TBX1: variants seen among roughly 807,000 people sequenced by gnomAD.
TBX1 encodes the protein T-box transcription factor TBX1.
A neutral mutation model predicts 40.8 loss-of-function variants in TBX1; 16 were observed. That is an observed-to-expected ratio of 0.39 (90% CI 0.27 to 0.60). The LOEUF is 0.60. TBX1 is among the 20% of genes least tolerant of loss of function. TBX1 has a pLI of 0.51. For missense variants in TBX1, 755 were observed against 728.5 expected (o/e 1.04, Z -0.42); for synonymous variants, 403 against 336.8 (o/e 1.20, Z -2.15).
Position 19,766,690 on chromosome 22 carries a change from G to T in TBX1, c.1338G>T (p.Pro446=). The change falls in exon 7 of 7, where the codon CCG becomes CCT. Residue 446 remains proline (P), a synonymous_variant. Transcript: ENST00000649276. ...LGAKSRPAPY[P]LPGLRGHGYH... ...CCAAGAGCCGGCCGGCGCCCTACCC[G>T]CTGCCCGGCCTGCGTGGCCACGGCT... 6.5e-7 allele frequency: 1 copy of T among 1,548,460 alleles called. No individual in the cohort carries two copies. Among genetic ancestry groups the T allele is most frequent in the Non-Finnish European group, 8.7e-7 (1 of 1,156,016 alleles).
At chr22:19,776,045 G>A (rs907964428) in intron 8 of TBX1, among the ~76,000 whole-genome samples, 2 of 152,148 alleles carry the variant, frequency 1.3e-5, no homozygotes, top group Admixed American at 1.3e-4. Context: ...ACCGGCTCCC[G>A]AGTGGAAGGT....
chr22:19,773,747 T>G (rs1454177285), intron 8 of TBX1, among the ~76,000 whole-genome samples: 3 of 152,220 alleles, frequency 2.0e-5, no homozygotes, highest in African/African-American at 7.2e-5. Flanking sequence ...GGCATCCTGA[T>G]GCGGTCACTG....
chr22:19,768,910 C>T (rs566684287), downstream of TBX1, among the ~76,000 whole-genome samples: 6 of 150,990 alleles, frequency 4.0e-5, no homozygotes, highest in East Asian at 5.9e-4. Context: ...AGCACCCAGC[C>T]GTCCAGCAGG....
chr22:19,761,740 GC>G (rs1205517987), intron 1 of TBX1, among the ~76,000 whole-genome samples: 1 of 152,238 alleles, frequency 6.6e-6, no homozygotes, highest in Admixed American at 6.5e-5. Flanking sequence ...AAGATAAAGA[GC>G]GGCAGCCGGG....
In TBX1 at chr22:19,766,657, T is replaced by C; in HGVS notation, c.1305T>C (p.Tyr435=). 6.4e-7 allele frequency: 1 copy of C among 1,552,796 alleles called. No homozygotes were observed. The highest frequency in any genetic ancestry group is 8.6e-7 in the Non-Finnish European group (1 of 1,157,932). The part of the protein sequence containing the change: ...YKYPAAAYDH[Y]LGAKSRPAPY... ...ATCCGGCCGCCGCCTACGACCACTA[T>C]CTCGGGGCCAAGAGCCGGCCGGCGC... The change falls in exon 7 of 7, where the codon TAT becomes TAC. Residue 435 remains tyrosine, a synonymous_variant. Coordinates refer to ENST00000649276, the MANE Select transcript of TBX1 (RefSeq NM_001379200.1).
chr22:19,768,623 G>A (rs942644799), downstream of TBX1, among the ~76,000 whole-genome samples: 6 of 152,218 alleles, frequency 3.9e-5, no homozygotes, highest in African/African-American at 1.4e-4. Context: ...GTGCCCCACG[G>A]TGGGTGGGGC....
At chr22:19,771,782 G>T (rs182908233), downstream of TBX1, among the ~76,000 whole-genome samples, 4 of 152,318 alleles carry the variant, frequency 2.6e-5, no homozygotes, top group Admixed American at 2.6e-4. Context: ...ATTCAAAGTG[G>T]GGGGTCTCAG....
Position 19,766,658 on chromosome 22 carries a change from C to G in TBX1, c.1306C>G (p.Leu436Val), listed in dbSNP as rs769522876. 6.4e-6 allele frequency: 10 copies of G among 1,554,294 alleles called. No homozygotes were observed. Among genetic ancestry groups the G allele is most frequent in the Non-Finnish European group, 8.6e-6 (10 of 1,158,504 alleles). Residue 436 changes from leucine to valine, a missense_variant, in exon 7 of 7, where the codon CTC becomes GTC. Physicochemically the swap from Leu to Val is conservative, Grantham distance 32. Transcript: ENST00000649276. ...TCCGGCCGCCGCCTACGACCACTAT[C>G]TCGGGGCCAAGAGCCGGCCGGCGCC... ...KYPAAAYDHY[L>V]GAKSRPAPYP... is the part of the protein sequence containing the mutation.
At chr22:19,773,060 T>C (rs1937013891) in intron 8 of TBX1, among the ~76,000 whole-genome samples, 1 of 152,208 alleles carries the variant, frequency 6.6e-6, no homozygotes, top group South Asian at 2.1e-4. Flanking sequence ...GGCCGCTAGC[T>C]GGTGGCATTG....
At position 19,761,011 on chromosome 22, in the gene TBX1, G is replaced by A; in HGVS notation, c.168G>A (p.Pro56=). The A allele has an allele frequency of 1.1e-6, 1 of 916,558 alleles. No homozygotes were observed. Among genetic ancestry groups the A allele is most frequent in the Non-Finnish European group, 1.3e-6 (1 of 770,294 alleles). 56.8% of individuals were successfully genotyped at this position (916,558 alleles called of 1,614,324 possible). ...GCCCGCGCGAGCCCCCGCCGCCGCC[G>A]CCGCGCTACGACCCGTGCGCCGCCG... ...PYGPREPPPP[P]PRYDPCAAAA... The change falls in exon 1 of 7, where the codon CCG becomes CCA. Residue 56 remains proline (P), a synonymous_variant. Coordinates refer to ENST00000649276, the MANE Select transcript of TBX1 (RefSeq NM_001379200.1).
chr22:19,779,265 G>A, exon 9 of TBX1: 1 of 1,614,246 alleles, frequency 6.2e-7, no homozygotes, highest in Non-Finnish European at 8.5e-7. Flanking sequence ...GAGACGTCTA[G>A]GAACACACCA....
At chr22:19,767,520 C>T (rs1936905882), downstream of TBX1, among the ~76,000 whole-genome samples, 1 of 152,156 alleles carries the variant, frequency 6.6e-6, no homozygotes. Flanking sequence ...CCCATAGGGG[C>T]TCCCACTGCC....
At chr22:19,766,229 CG>C in intron 6 of TBX1, 159 bp from the exon 7 acceptor site, 1 of 1,093,138 alleles carries the variant, frequency 9.1e-7, no homozygotes, top group African/African-American at 1.7e-5. Context: ...GGGGAGGGCT[CG>C]GGGCGCCGGC....
At chr22:19,769,941 CCTT>C (rs1344796109), downstream of TBX1, among the ~76,000 whole-genome samples, 1 of 152,248 alleles carries the variant, frequency 6.6e-6, no homozygotes, top group Non-Finnish European at 1.5e-5. Flanking sequence ...TCTTCCATCT[CCTT>C]CTTGTTCCCT....
At chr22:19,763,537 G>A in intron 2 of TBX1, 195 bp downstream of exon 2, 2 of 611,996 alleles carry the variant, frequency 3.3e-6, no homozygotes, top group Non-Finnish European at 5.8e-6. Flanking sequence ...TGCCCTCTCA[G>A]AACCCGCCTC....
Position 19,765,899 on chromosome 22 carries a change from C to T in TBX1, c.936-3C>T. 6.5e-7 allele frequency: 1 copy of T among 1,543,552 alleles called. No homozygotes were observed. The highest frequency in any genetic ancestry group is 8.7e-7 in the Non-Finnish European group (1 of 1,144,576). ...GCCGCCCTGATCCGCCTCCCGCCCG[C>T]AGGCCCCGGAACCACCGGCCCGGCG... On this transcript the variant is annotated splice_polypyrimidine_tract_variant and splice_region_variant and intron_variant, in intron 5 of 6. Coordinates refer to ENST00000649276, the MANE Select transcript of TBX1 (RefSeq NM_001379200.1).
chr22:19,770,958 TCA>T (rs1394487092), downstream of TBX1, among the ~76,000 whole-genome samples: 1 of 152,126 alleles, frequency 6.6e-6, no homozygotes, highest in African/African-American at 2.4e-5. Flanking sequence ...TTCCAGAGAC[TCA>T]GTTTTCCCTT....
At chr22:19,763,400 C>CACCAGGCGGAGA in intron 2 of TBX1, 58 bp downstream of exon 2, 1 of 1,538,808 alleles carries the variant, frequency 6.5e-7, no homozygotes, top group Non-Finnish European at 9.0e-7. Flanking sequence ...AGTGGCGGGT[C>CACCAGGCGGAGA]TCCGCCTGGT....
downstream of TBX1, among the ~76,000 whole-genome samples, chr22:19,769,414 T>A: frequency 1.3e-5 from 2 of 152,216 alleles, 1 homozygote; most frequent in East Asian, 3.8e-4. Flanking sequence ...AAGTGTGGGT[T>A]TCCTCCCCTC....
Sources: allele counts gnomAD v4.1 joint callset (sites outside exome capture counted in the v4.1 genomes callset), GRCh38; gene constraint gnomAD v4.1.1; transcripts MANE v1.5; gene names NCBI Gene and HGNC (gene_info 2026-07-23, HGNC 2026-07-21).